The following ATRX variants were observed in gnomAD, a reference collection of about 807,000 sequenced individuals.
ATRX encodes chromatin remodeler ATRX.
Under a neutral mutation model 172.6 loss-of-function variants are expected in ATRX, and 12 were observed. That is an observed-to-expected ratio of 0.07 (90% CI 0.04 to 0.11). The LOEUF is 0.11. Among genes scored for constraint, ATRX ranks in the 10% least tolerant of loss-of-function variants. The pLI is 1.00. For missense variants in ATRX, 1,368 were observed against 1,767.4 expected, an observed-to-expected ratio of 0.77 and a Z score of 4.05; for synonymous variants, 674 against 594.7, an observed-to-expected ratio of 1.13 and a Z score of -1.94.
chrX:77,589,886 T>C lies in ATRX; in HGVS notation c.6165A>G (p.Glu2055=). Residue 2055 remains glutamate (E), a synonymous_variant, in exon 27 of 35, where the codon GAA becomes GAG. Transcript: ENST00000373344. ...CTTCTGTCTTCTCCCTACTAGCTAA[T>C]TCAAGAAAATCTTCAATCAAGTCCA... ...ISLDLIEDFL[E]LASREKTEDK... The C allele has an allele frequency of 8.3e-7, 1 of 1,210,494 alleles. No homozygotes were observed. The highest frequency in any genetic ancestry group is 1.1e-6 in the Non-Finnish European group (1 of 894,793).
At chrX:77,772,033 G>A (rs112638324) in intron 1 of ATRX, among the ~76,000 whole-genome samples, 6,448 of 111,512 alleles carry the variant, frequency 0.058, 492 homozygotes, top group African/African-American at 0.2. Context: ...GGTGGCTCAC[G>A]CCTGTAATCC....
chrX:77,731,748 C>T (rs1369219604), intron 1 of ATRX, among the ~76,000 whole-genome samples: 2 of 111,048 alleles, frequency 1.8e-5, no homozygotes, highest in African/African-American at 6.5e-5. Flanking sequence ...GGAAAGGAGA[C>T]AGCATGACTT....
chrX:77,630,960 A>G (rs1199507498), intron 19 of ATRX, among the ~76,000 whole-genome samples: 1 of 111,699 alleles, frequency 9.0e-6, no homozygotes, highest in Non-Finnish European at 1.9e-5. Flanking sequence ...GAATGGAAGG[A>G]TATATTTGCA....
At position 77,507,263 on chromosome X, in the gene ATRX, A is replaced by T. The variant is rs1345285214; in HGVS notation, c.*1088T>A. The stretch of plus-strand genomic sequence containing the variant: ...AAAGAACATGATGATGAGAGAAAAG[A>T]AGCGCATAGAAGCCAGTGATTCTTA... On this transcript the variant is annotated 3_prime_UTR_variant, in exon 35 of 35. Coordinates refer to ENST00000373344, the MANE Select transcript of ATRX (RefSeq NM_000489.6). 5 of 171,570 alleles carry T rather than the reference A, an allele frequency of 2.9e-5. No individual in the cohort carries two copies. The highest frequency in any genetic ancestry group is 2.4e-4 in the Admixed American group (3 of 12,470). The allele number at this position is 171,570 out of a possible 1,213,427, so 14.1% of individuals were successfully genotyped here. A position where few individuals can be genotyped will look rare whatever the true frequency, so the allele number is the denominator to read the frequency against.
chrX:77,621,348 C>G lies in ATRX; in HGVS notation c.5135-816G>C, dbSNP rs782200866. ...TATTTGAGATGGAGTCTCCCTCTGTCGCCCAGGCTGGAATGCAGTGGCACA... is the reference window on the plus strand; with the variant it reads ...TATTTGAGATGGAGTCTCCCTCTGTGGCCCAGGCTGGAATGCAGTGGCACA... On this transcript the variant is annotated intron_variant, in intron 19 of 34. Transcript: ENST00000373344. Among the ~76,000 whole-genome samples the G allele has an allele frequency of 7.2e-5, 8 of 110,836 alleles. No individual in the cohort carries two copies. The South Asian group carries it at 3.1e-3, about 43-fold the overall frequency.
intron 1 of ATRX, chrX:77,727,896 T>G (rs1166925239): frequency 9.0e-6 from 1 of 111,579 alleles, no homozygotes; most frequent in Non-Finnish European, 1.9e-5. Context: ...AGAAGAAGTC[T>G]GAAGAAACAA....
chrX:77,527,953 T>A (rs781920670), intron 30 of ATRX, among the ~76,000 whole-genome samples: 1 of 102,634 alleles, frequency 9.7e-6, no homozygotes, highest in South Asian at 4.8e-4. Flanking sequence ...GACTGCTTCT[T>A]CAACCAGACG....
In ATRX at chrX:77,667,295, A is replaced by ATGTGTGTGTG. The variant is rs782297684; in HGVS notation, c.3810-2527_3810-2518dup. 3.7e-3 allele frequency among the ~76,000 whole-genome samples: 332 copies of ATGTGTGTGTG among 89,050 alleles called. 1 individual carries two copies. The highest frequency in any genetic ancestry group is 0.012 in the South Asian group (20 of 1,605). The allele number at this position is 89,050 out of a possible 115,157, so 77.3% of individuals were successfully genotyped here. ...ATAATGAATTTTGGGACGAATAAAT[A>ATGTGTGTGTG]TGTGTGTGTGTGTGTGTGTGTGTGT... On this transcript the variant is annotated intron_variant, in intron 10 of 34. Coordinates refer to ENST00000373344, the MANE Select transcript of ATRX (RefSeq NM_000489.6).
At chrX:77,589,309 T>C (rs2066148864) in intron 27 of ATRX, among the ~76,000 whole-genome samples, 1 of 111,793 alleles carries the variant, frequency 8.9e-6, no homozygotes, top group Admixed American at 9.5e-5. Flanking sequence ...TTTTATTTGG[T>C]AGTGATTAAA....
chrX:77,744,962 C>T (rs889480078), intron 1 of ATRX, among the ~76,000 whole-genome samples: 1 of 108,753 alleles, frequency 9.2e-6, no homozygotes, highest in African/African-American at 3.4e-5. Context: ...CACCACTGCA[C>T]TCCAGCCTGG....
At chrX:77,680,354 T>A (rs782803701) in intron 9 of ATRX, among the ~76,000 whole-genome samples, 160 of 111,381 alleles carry the variant, frequency 1.4e-3, no homozygotes, top group African/African-American at 4.8e-3. Context: ...ACATGTGGTT[T>A]TCAAGTCAAG....
chrX:77,678,513 G>A (rs1331181967), intron 9 of ATRX, among the ~76,000 whole-genome samples: 1 of 112,118 alleles, frequency 8.9e-6, no homozygotes. Context: ...TTGAGACGGA[G>A]TCTCGCTCTG....
chrX:77,726,263 C>T (rs1404679598), intron 1 of ATRX, among the ~76,000 whole-genome samples: 3 of 110,595 alleles, frequency 2.7e-5, no homozygotes, highest in South Asian at 7.7e-4. Flanking sequence ...GAAAATGTGG[C>T]ACATACACAC....
intron 34 of ATRX, among the ~76,000 whole-genome samples, chrX:77,520,251 A>G (rs1557040756): frequency 9.0e-6 from 1 of 111,425 alleles, no homozygotes; most frequent in African/African-American, 3.3e-5. Context: ...ATACCACAAC[A>G]GGGTGACTAC....
chrX:77,543,187 A>C (rs1449602284), intron 30 of ATRX, among the ~76,000 whole-genome samples: 1 of 112,629 alleles, frequency 8.9e-6, no homozygotes, highest in Non-Finnish European at 1.9e-5. Flanking sequence ...ACATATATGC[A>C]GCCAACAGAC....
At chrX:77,755,694 T>C (rs1979938405) in intron 1 of ATRX, among the ~76,000 whole-genome samples, 2 of 111,950 alleles carry the variant, frequency 1.8e-5, no homozygotes, top group Non-Finnish European at 3.8e-5. Flanking sequence ...TGCCTGCTCC[T>C]TCCTCTGGGA....
At chrX:77,774,309 G>T (rs1359742203) in intron 1 of ATRX, among the ~76,000 whole-genome samples, 4 of 111,421 alleles carry the variant, frequency 3.6e-5, no homozygotes, top group Non-Finnish European at 7.5e-5. Flanking sequence ...CAGAAAACAA[G>T]AACTTTTTGT....
intron 19 of ATRX, among the ~76,000 whole-genome samples, chrX:77,627,352 G>A (rs1983638506): frequency 8.9e-6 from 1 of 112,186 alleles, no homozygotes; most frequent in Non-Finnish European, 1.9e-5. Flanking sequence ...ATATTAAATA[G>A]AATATGAATT....
intron 15 of ATRX, among the ~76,000 whole-genome samples, chrX:77,650,867 C>A (rs782127265): frequency 2.0e-4 from 22 of 111,924 alleles, no homozygotes; most frequent in African/African-American, 7.1e-4. Flanking sequence ...GGATTACAGG[C>A]GTGAGCCACC....
Sources: allele counts gnomAD v4.1 joint callset (sites outside exome capture counted in the v4.1 genomes callset), GRCh38; gene constraint gnomAD v4.1.1; transcripts MANE v1.5; gene names NCBI Gene and HGNC (gene_info 2026-07-23, HGNC 2026-07-21).